NXN: variants seen among roughly 807,000 people sequenced by gnomAD.
NXN encodes the protein nucleoredoxin.
NXN carries 16 observed loss-of-function variants against 48.6 expected under a neutral mutation model. That is an observed-to-expected ratio of 0.33 (90% CI 0.22 to 0.50). The LOEUF is 0.50. Ranked by LOEUF, NXN falls within the 20% of genes least tolerant of loss-of-function variation. NXN has a pLI of 0.98. For missense variants in NXN, 492 were observed against 605.5 expected, an observed-to-expected ratio of 0.81 and a Z score of 1.97; for synonymous variants, 281 against 269.6, an observed-to-expected ratio of 1.04 and a Z score of -0.41.
At chr17:803,614 C>T in intron 7 of NXN, 68 bp downstream of exon 7, 2 of 1,601,958 alleles carry the variant, frequency 1.2e-6, no homozygotes, top group Non-Finnish European at 1.7e-6. Flanking sequence ...ACCCTGGGGC[C>T]AGGATCAGTC....
chr17:866,911 G>T (rs975583321), intron 1 of NXN, among the ~76,000 whole-genome samples: 25 of 152,232 alleles, frequency 1.6e-4, no homozygotes, highest in African/African-American at 6.0e-4. Flanking sequence ...CAGGCTGCGG[G>T]TCAGAACATG....
At chr17:809,068 C>T (rs1317593882) in intron 5 of NXN, among the ~76,000 whole-genome samples, 22 of 105,404 alleles carry the variant, frequency 2.1e-4, no homozygotes, top group Non-Finnish European at 4.3e-5. Context: ...GTGAGATCAA[C>T]AGAGTCCTCC....
At chr17:838,316 G>T (rs1913944500) in intron 1 of NXN, among the ~76,000 whole-genome samples, 1 of 151,826 alleles carries the variant, frequency 6.6e-6, no homozygotes, top group South Asian at 2.1e-4. Context: ...ATTTTTAGTT[G>T]AGACGGGGTC....
At position 888,016 on chromosome 17, in the gene NXN, C is replaced by T. The variant is rs73293323; in HGVS notation, c.361-61938G>A. Among the ~76,000 whole-genome samples, 325 of 152,234 alleles carry T rather than the reference C, an allele frequency of 2.1e-3. 5 individuals carry two copies. Among genetic ancestry groups the T allele is most frequent in the African/African-American group, 7.5e-3 (311 of 41,546 alleles). On this transcript the variant is annotated intron_variant, in intron 1 of 7. Transcript: ENST00000336868. Reference sequence around the variant, plus strand: ...AGGTCTGTAACTGCCACACGGGTCACGGTTGAGAAGCGTGCCAGGTACAGC... The same window carrying T: ...AGGTCTGTAACTGCCACACGGGTCATGGTTGAGAAGCGTGCCAGGTACAGC...
In NXN at chr17:947,931, C is replaced by T. The variant is rs950200249; in HGVS notation, c.360+31388G>A. ...CTGGATGTGGCAGCGTGCGCCTGTA[C>T]TCCCAGCTACTCGGGAGGCTGAGGC... On this transcript the variant is annotated intron_variant, in intron 1 of 7. Coordinates refer to ENST00000336868, the MANE Select transcript of NXN (RefSeq NM_022463.5). Among the ~76,000 whole-genome samples the T allele has an allele frequency of 8.9e-5, 13 of 146,606 alleles. No individual in the cohort carries two copies. The Admixed American group carries it at 8.9e-4, about 10-fold the overall frequency.
At chr17:901,397 G>A (rs1032061639) in intron 1 of NXN, among the ~76,000 whole-genome samples, 4 of 152,106 alleles carry the variant, frequency 2.6e-5, no homozygotes, top group African/African-American at 7.2e-5. Context: ...AGTTTATTCC[G>A]GGGAAGAACT....
chr17:926,586 C>T (rs567945033), intron 1 of NXN, among the ~76,000 whole-genome samples: 3 of 150,202 alleles, frequency 2.0e-5, no homozygotes, highest in Non-Finnish European at 4.4e-5. Flanking sequence ...GGCTCTATCG[C>T]CCAGGCTGGA....
chr17:955,732 TAAAA>T (rs1291157529), intron 1 of NXN, among the ~76,000 whole-genome samples: 2 of 147,528 alleles, frequency 1.4e-5, no homozygotes, highest in South Asian at 2.1e-4. Context: ...CTGTCTCTAC[TAAAA>T]AAAAATACAA....
rs1249578001 is a variant in NXN, at chr17:919,337, T to TG, written c.360+59981dup. 8.6e-5 allele frequency among the ~76,000 whole-genome samples: 13 copies of TG among 151,984 alleles called. 1 individual carries two copies. Among genetic ancestry groups the TG allele is most frequent in the Admixed American group, 8.5e-4 (13 of 15,240 alleles). ...GAGATTGTGCCACTGTACTCCAGCC[T>TG]GGTGACAGAGTGAGACTCTGTCTCA... is the stretch of plus-strand genomic sequence containing the variant. On this transcript the variant is annotated intron_variant, in intron 1 of 7. Transcript: ENST00000336868. This position sits in a 1 kb window ranked among gnomAD's most constrained non-coding sequence, Gnocchi z 5.1.
At chr17:873,299 C>T (rs1426973557) in intron 1 of NXN, among the ~76,000 whole-genome samples, 1 of 151,954 alleles carries the variant, frequency 6.6e-6, no homozygotes, top group Non-Finnish European at 1.5e-5. Context: ...GAGTTCGAGA[C>T]CAGCCTGGCC....
At chr17:915,145 A>G (rs915403252) in intron 1 of NXN, among the ~76,000 whole-genome samples, 1 of 152,156 alleles carries the variant, frequency 6.6e-6, no homozygotes, top group South Asian at 2.1e-4. Context: ...CATATTGGCC[A>G]GGCTGGCCTC....
chr17:914,487 T>A (rs920307402), intron 1 of NXN, among the ~76,000 whole-genome samples: 5 of 152,164 alleles, frequency 3.3e-5, no homozygotes, highest in Admixed American at 3.3e-4. Context: ...AGATTCTTTT[T>A]AAGGCGAGAA....
At position 876,845 on chromosome 17, in the gene NXN, G is replaced by A. The variant is rs940200552; in HGVS notation, c.361-50767C>T. Among the ~76,000 whole-genome samples, 30 of 152,062 alleles carry A rather than the reference G, an allele frequency of 2.0e-4. 1 individual carries two copies. The highest frequency in any genetic ancestry group is 4.2e-4 in the South Asian group (2 of 4,814). On this transcript the variant is annotated intron_variant, in intron 1 of 7. Coordinates refer to ENST00000336868, the MANE Select transcript of NXN (RefSeq NM_022463.5). ...GGGGATCACCTGAGGTCGGGAGTTC[G>A]AGACCAGCCTGGCCAACACAGTGAA...
At chr17:833,662 C>T (rs150071011) in intron 1 of NXN, among the ~76,000 whole-genome samples, 1 of 152,234 alleles carries the variant, frequency 6.6e-6, no homozygotes, top group Non-Finnish European at 1.5e-5. Flanking sequence ...TCACAGAGTT[C>T]ATAAATCCCC....
chr17:895,564 G>A (rs1161704654), intron 1 of NXN, among the ~76,000 whole-genome samples: 2 of 151,080 alleles, frequency 1.3e-5, no homozygotes, highest in African/African-American at 2.4e-5. Flanking sequence ...TCTAATCCCA[G>A]CACTTTGGGA....
rs148777276 is a variant in NXN at position 813,437 on chromosome 17, C to T, written c.820+6002G>A. 7.4e-3 allele frequency among the ~76,000 whole-genome samples: 1,131 copies of T among 152,358 alleles called. 7 individuals carry two copies. Among genetic ancestry groups the T allele is most frequent in the Non-Finnish European group, 0.013 (862 of 68,040 alleles). On this transcript the variant is annotated intron_variant, in intron 5 of 7. Transcript: ENST00000336868. ...AGGGCACCACAAATAGGGCCATCGA[C>T]GCGGACGGAATGCCGCACGTGGGGC...
In NXN at chr17:830,722, C is replaced by T. The variant is rs1003265931; in HGVS notation, c.361-4644G>A. Among the ~76,000 whole-genome samples, 6 of 152,142 alleles carry T rather than the reference C, an allele frequency of 3.9e-5. No homozygotes were observed. The highest frequency in any genetic ancestry group is 6.5e-5 in the Admixed American group (1 of 15,270). On this transcript the variant is annotated intron_variant, in intron 1 of 7. Coordinates refer to ENST00000336868, the MANE Select transcript of NXN (RefSeq NM_022463.5). The surrounding 1 kb of genome is among the most constrained non-coding windows in gnomAD (Gnocchi z 4.2). ...CACAGTTTAAAAGGCCATTTGGGGCCGGGCACGATGGCTCACGCCTGTAAT... is the reference window on the plus strand; with the variant it reads ...CACAGTTTAAAAGGCCATTTGGGGCTGGGCACGATGGCTCACGCCTGTAAT...
Position 841,431 on chromosome 17 carries a change from C to CCCGCGAGCA in NXN, c.361-15354_361-15353insTGCTCGCGG, listed in dbSNP as rs1567827437. The stretch of plus-strand genomic sequence containing the variant: ...CCCCCTGACCACGGCGCATCTCACA[C>CCCGCGAGCA]GGGCGAGCAGGTCCCCCTGACCACG... On this transcript the variant is annotated intron_variant, in intron 1 of 7. Coordinates refer to ENST00000336868, the MANE Select transcript of NXN (RefSeq NM_022463.5). 2.6e-3 allele frequency among the ~76,000 whole-genome samples: 316 copies of CCCGCGAGCA among 122,732 alleles called. 34 individuals are homozygous for CCCGCGAGCA. The highest frequency in any genetic ancestry group is 3.5e-3 in the South Asian group (13 of 3,748). The allele number at this position is 122,732 out of a possible 152,430, so 80.5% of individuals were successfully genotyped here.
At chr17:885,961 T>G (rs2068342643) in intron 1 of NXN, among the ~76,000 whole-genome samples, 1 of 152,004 alleles carries the variant, frequency 6.6e-6, no homozygotes, top group South Asian at 2.1e-4. Context: ...GTGCTGGGAT[T>G]ATAGGCGTGA....
Sources: gnomAD v4.1 joint callset for allele counts (sites outside exome capture counted in the v4.1 genomes callset) on GRCh38, gnomAD v4.1.1 for gene constraint, Gnocchi (gnomAD v3.1) non-coding constraint, MANE v1.5 for transcripts, NCBI Gene and HGNC (gene_info 2026-07-23, HGNC 2026-07-21) for gene names.